PLCB1: variants seen among roughly 807,000 people sequenced by gnomAD.
PLCB1 encodes the protein phospholipase C beta 1.
In PLCB1, 46 loss-of-function variants were observed where a neutral mutation model predicts 161.8. The ratio of observed to expected loss-of-function variants is 0.28; its 90% CI spans 0.22 to 0.36. The LOEUF (loss-of-function observed/expected upper bound fraction) is 0.36. Among genes scored for constraint, PLCB1 ranks in the 10% least tolerant of loss-of-function variants. The pLI, the probability that PLCB1 is intolerant of heterozygous loss-of-function variation, is 1.00. For synonymous variants in PLCB1, 517 were observed against 503.7 expected (o/e 1.03, Z -0.35); for missense variants, 1,016 against 1,472.5 (o/e 0.69, Z 5.07).
rs781202507 is a variant in PLCB1, at chr20:8,399,108, G to A, written c.246+27658G>A. On this transcript the variant is annotated intron_variant, in intron 3 of 31. Transcript: ENST00000338037. ...CTTTTTTTTTTTCTAGTATGACTTC[G>A]TGATTTTCCATTTAGATCTTGGAGC... 4.2e-4 allele frequency among the ~76,000 whole-genome samples: 62 copies of A among 145,900 alleles called. 2 individuals carry two copies. Among genetic ancestry groups the A allele is most frequent in the African/African-American group, 1.4e-3 (53 of 39,230 alleles).
At chr20:8,324,742 T>C (rs1184258353) in intron 2 of PLCB1, among the ~76,000 whole-genome samples, 1 of 152,222 alleles carries the variant, frequency 6.6e-6, no homozygotes, top group Non-Finnish European at 1.5e-5. Context: ...TGGCTTTCAG[T>C]GTTATTTTGG....
At chr20:8,529,741 T>C (rs1984726288) in intron 3 of PLCB1, among the ~76,000 whole-genome samples, 1 of 152,136 alleles carries the variant, frequency 6.6e-6, no homozygotes, top group Admixed American at 6.6e-5. Context: ...TCCCCAGATG[T>C]AATATTTTCA....
At chr20:8,398,845 G>T (rs891838641) in intron 3 of PLCB1, among the ~76,000 whole-genome samples, 1 of 150,980 alleles carries the variant, frequency 6.6e-6, no homozygotes, top group East Asian at 2.0e-4. Context: ...AGGAGAATTA[G>T]CTCTCTATCG....
intron 2 of PLCB1, among the ~76,000 whole-genome samples, chr20:8,193,949 T>A (rs562767263): frequency 6.6e-6 from 1 of 152,086 alleles, no homozygotes; most frequent in East Asian, 1.9e-4. Context: ...GATGTGATGT[T>A]CAGAAGCTCA....
intron 1 of PLCB1, among the ~76,000 whole-genome samples, chr20:8,136,975 G>A (rs74946103): frequency 0.036 from 5,433 of 152,042 alleles, 310 homozygotes; most frequent in African/African-American, 0.12. Context: ...AACATTGCAC[G>A]TTCTGTCTTA....
chr20:8,280,107 G>A (rs576789935), intron 2 of PLCB1, among the ~76,000 whole-genome samples: 6 of 152,164 alleles, frequency 3.9e-5, no homozygotes, highest in East Asian at 3.9e-4. Flanking sequence ...AGGCTGAGGC[G>A]GGCGGATCAC....
At chr20:8,645,144 C>T (rs536780007) in intron 4 of PLCB1, among the ~76,000 whole-genome samples, 1 of 149,664 alleles carries the variant, frequency 6.7e-6, no homozygotes, top group African/African-American at 2.4e-5. Context: ...GTCATCACCA[C>T]TCCCTAATCT....
At chr20:8,391,503 TG>T (rs1194127791) in intron 3 of PLCB1, among the ~76,000 whole-genome samples, 2 of 152,030 alleles carry the variant, frequency 1.3e-5, no homozygotes, top group Non-Finnish European at 2.9e-5. Context: ...AGCACTGTTT[TG>T]AAATGGAATA....
chr20:8,831,130 A>G (rs991770973), intron 31 of PLCB1: 1 of 152,244 alleles, frequency 6.6e-6, no homozygotes, highest in Admixed American at 6.5e-5. Context: ...GCCTTGGTGT[A>G]TAGTGTCTTG....
At chr20:8,489,913 TA>T (rs1365179254) in intron 3 of PLCB1, among the ~76,000 whole-genome samples, 1 of 152,214 alleles carries the variant, frequency 6.6e-6, no homozygotes, top group Non-Finnish European at 1.5e-5. Flanking sequence ...TCCACTGGGT[TA>T]GACCTTTGAT....
At chr20:8,405,659 A>G (rs756240148) in intron 3 of PLCB1, among the ~76,000 whole-genome samples, 6 of 152,206 alleles carry the variant, frequency 3.9e-5, no homozygotes, top group Non-Finnish European at 4.4e-5. Flanking sequence ...TGGACAATCA[A>G]GTAGCCAAAA....
intron 11 of PLCB1, among the ~76,000 whole-genome samples, chr20:8,699,933 A>C (rs769168983): frequency 1.3e-5 from 2 of 152,266 alleles, no homozygotes; most frequent in African/African-American, 2.4e-5. Flanking sequence ...GAAATTGAGC[A>C]TGATTATGAC....
intron 3 of PLCB1, among the ~76,000 whole-genome samples, chr20:8,573,770 G>C (rs1986595020): frequency 6.6e-6 from 1 of 152,172 alleles, no homozygotes; most frequent in Non-Finnish European, 1.5e-5. Context: ...TCTCCAAGCA[G>C]GACTTTGGAG....
chr20:8,498,738 G>A (rs1228877803), intron 3 of PLCB1, among the ~76,000 whole-genome samples: 8 of 152,246 alleles, frequency 5.3e-5, no homozygotes, highest in Admixed American at 1.3e-4. Context: ...CTCATGTTTC[G>A]GCTATTTGAA....
intron 3 of PLCB1, among the ~76,000 whole-genome samples, chr20:8,440,245 T>C (rs1361857024): frequency 6.6e-6 from 1 of 152,114 alleles, no homozygotes; most frequent in Admixed American, 6.6e-5. Flanking sequence ...GGCTGGAAAA[T>C]CATTTCAGTA....
chr20:8,508,341 T>G (rs763667881), intron 3 of PLCB1, among the ~76,000 whole-genome samples: 7 of 152,202 alleles, frequency 4.6e-5, no homozygotes, highest in Non-Finnish European at 8.8e-5. Context: ...GGGGCTGAAC[T>G]TCTTCCTATA....
At chr20:8,685,302 T>A (rs1275210952) in intron 10 of PLCB1, among the ~76,000 whole-genome samples, 1 of 105,644 alleles carries the variant, frequency 9.5e-6, no homozygotes, top group African/African-American at 3.0e-5. Context: ...AGTTTTTAAG[T>A]CTTCTAAAAT....
intron 31 of PLCB1, among the ~76,000 whole-genome samples, chr20:8,873,889 TAGC>T (rs1987689994): frequency 6.6e-6 from 1 of 152,046 alleles, no homozygotes; most frequent in African/African-American, 2.4e-5. Context: ...CCCTGATCTT[TAGC>T]AGTAAATTCC....
intron 2 of PLCB1, among the ~76,000 whole-genome samples, chr20:8,354,634 C>A (rs974811891): frequency 6.6e-6 from 1 of 152,154 alleles, no homozygotes; most frequent in Non-Finnish European, 1.5e-5. Context: ...GGCTCTGATA[C>A]ACTTTGGCCC....
Sources: allele counts gnomAD v4.1 joint callset (sites outside exome capture counted in the v4.1 genomes callset), GRCh38; gene constraint gnomAD v4.1.1; transcripts MANE v1.5; gene names NCBI Gene and HGNC (gene_info 2026-07-23, HGNC 2026-07-21).